The following ACSF3 variants were observed in gnomAD, a reference collection of about 807,000 sequenced individuals.
The protein encoded by ACSF3 is acyl-CoA synthetase family member 3, also known as malonate--CoA ligase ACSF3, mitochondrial.
Under a neutral mutation model 53.2 loss-of-function variants are expected in ACSF3, and 78 were observed. The ratio of observed to expected loss-of-function variants is 1.47; its 90% CI spans 1.22 to 1.77. The LOEUF is 1.77. Ranked by LOEUF, ACSF3 falls within the 40% of genes most tolerant of loss-of-function variation. The pLI, the probability that ACSF3 is intolerant of heterozygous loss-of-function variation, is 0.00. For missense variants in ACSF3, 937 were observed against 771.1 expected (o/e 1.22, Z -2.55); for synonymous variants, 414 against 333.1 (o/e 1.24, Z -2.65).
chr16:89,112,837 G>T (rs1235873981), intron 5 of ACSF3, among the ~76,000 whole-genome samples: 1 of 152,236 alleles, frequency 6.6e-6, no homozygotes, highest in African/African-American at 2.4e-5. Context: ...CACGGCGCCT[G>T]CCTCTCCTAT....
chr16:89,145,495 C>A, intron 9 of ACSF3, 94 bp downstream of exon 9: 1 of 1,467,788 alleles, frequency 6.8e-7, no homozygotes, highest in Non-Finnish European at 9.3e-7. Flanking sequence ...TCGACGCCGT[C>A]CCAGCTGCCT....
chr16:89,130,186 C>T (rs1908989397), intron 7 of ACSF3, among the ~76,000 whole-genome samples: 1 of 152,226 alleles, frequency 6.6e-6, no homozygotes, highest in East Asian at 1.9e-4. Flanking sequence ...TATTTTTCCT[C>T]ATCTAAGAAT....
At chr16:89,100,369 T>C (rs1295526667) in intron 2 of ACSF3, among the ~76,000 whole-genome samples, 1 of 152,274 alleles carries the variant, frequency 6.6e-6, no homozygotes, top group East Asian at 1.9e-4. Flanking sequence ...TGTTGAATTT[T>C]ATATGCTTCT....
chr16:89,098,174 A>G (rs1016091494), intron 1 of ACSF3, among the ~76,000 whole-genome samples: 2 of 152,272 alleles, frequency 1.3e-5, no homozygotes, highest in African/African-American at 4.8e-5. Context: ...AGCACAAAAC[A>G]TACTTTGGCT....
At chr16:89,111,465 A>G (rs1976667890) in intron 4 of ACSF3, among the ~76,000 whole-genome samples, 1 of 152,218 alleles carries the variant, frequency 6.6e-6, no homozygotes, top group African/African-American at 2.4e-5. Context: ...CACAGCACGA[A>G]GAGTGCCCTC....
rs556833173 is a variant in ACSF3, at chr16:89,116,778, C to T, written c.1126+2291C>T. Among the ~76,000 whole-genome samples, 9 of 152,208 alleles carry T rather than the reference C, an allele frequency of 5.9e-5. No homozygotes were observed. In the East Asian group the frequency reaches 1.5e-3, roughly 26 times the overall value. On this transcript the variant is annotated intron_variant, in intron 6 of 10. Transcript: ENST00000614302. ...CAGTGCTGGTGGCCCCTGCCCTGGG[C>T]CGGCTCCCGCGTTAGTCTCAGACCC... is the stretch of plus-strand genomic sequence containing the variant.
Position 89,094,056 on chromosome 16 carries a change from G to A in ACSF3, c.-194+60G>A, listed in dbSNP as rs888511907. 1.4e-3 allele frequency: 204 copies of A among 150,874 alleles called. 2 individuals are homozygous for A. The highest frequency in any genetic ancestry group is 1.8e-3 in the Non-Finnish European group (120 of 68,000). The allele number at this position is 150,874 out of a possible 1,614,324, so 9.3% of individuals were successfully genotyped here. ...GTCGGCCGGGCGCAGAGCTCTCGGGGGCGCGGGCTCCGGCGCCCGCCCCTG... is the reference window on the plus strand; with the variant it reads ...GTCGGCCGGGCGCAGAGCTCTCGGGAGCGCGGGCTCCGGCGCCCGCCCCTG... On this transcript the variant is annotated intron_variant, in intron 1 of 10. Transcript: ENST00000614302.
rs568961213 is a variant in ACSF3 at position 89,117,453 on chromosome 16, A to G, written c.1126+2966A>G. On this transcript the variant is annotated intron_variant, in intron 6 of 10. Coordinates refer to ENST00000614302, the MANE Select transcript of ACSF3 (RefSeq NM_001243279.3). ...GATACAAGGCTGAGAAGCTGAAATCAGGAGCAGCCCAGGGACCACTGTCTA... is the reference window on the plus strand; with the variant it reads ...GATACAAGGCTGAGAAGCTGAAATCGGGAGCAGCCCAGGGACCACTGTCTA... Among the ~76,000 whole-genome samples, 65 of 152,278 alleles carry G rather than the reference A, an allele frequency of 4.3e-4. No individual in the cohort carries two copies. The East Asian group carries it at 0.012, about 29-fold the overall frequency.
Position 89,155,733 on chromosome 16 carries a change from A to G in ACSF3, c.*1526A>G. The G allele has an allele frequency of 2.2e-6, 1 of 454,062 alleles. No individual in the cohort carries two copies. The highest frequency in any genetic ancestry group is 1.6e-5 in the South Asian group (1 of 64,460). The allele number at this position is 454,062 out of a possible 1,614,324, so 28.1% of individuals were successfully genotyped here. A position where few individuals can be genotyped will look rare whatever the true frequency, so the allele number is the denominator to read the frequency against. ...TTCTGTTGGGAAAAGGTCAAATTTAACATAGCAAAATTTTTACTTAATTCC... is the reference window on the plus strand; with the variant it reads ...TTCTGTTGGGAAAAGGTCAAATTTAGCATAGCAAAATTTTTACTTAATTCC... On this transcript the variant is annotated 3_prime_UTR_variant, in exon 11 of 11. Transcript: ENST00000614302.
chr16:89,136,548 A>G (rs1405979124), intron 8 of ACSF3: 9 of 1,272,686 alleles, frequency 7.1e-6, no homozygotes, highest in Non-Finnish European at 9.2e-6. Context: ...TTCCCTGGCC[A>G]GCCCCTCCTG....
At chr16:89,132,346 C>T (rs969553303) in intron 7 of ACSF3, among the ~76,000 whole-genome samples, 4 of 152,196 alleles carry the variant, frequency 2.6e-5, no homozygotes, top group Non-Finnish European at 4.4e-5. Flanking sequence ...CTCTGCCCTC[C>T]CCAGACCCTC....
chr16:89,099,087 G>C (rs767403924), intron 2 of ACSF3, among the ~76,000 whole-genome samples: 8 of 152,372 alleles, frequency 5.3e-5, no homozygotes, highest in Admixed American at 2.6e-4. Context: ...GTCGAGCAAA[G>C]CTTTGATTAT....
chr16:89,110,325 A>T (rs921932430), intron 4 of ACSF3, among the ~76,000 whole-genome samples: 1 of 152,162 alleles, frequency 6.6e-6, no homozygotes, highest in East Asian at 1.9e-4. Context: ...TTAATTTTGC[A>T]TATGGTGTGA....
At chr16:89,135,994 C>T (rs1910379922) in intron 8 of ACSF3, among the ~76,000 whole-genome samples, 1 of 152,260 alleles carries the variant, frequency 6.6e-6, no homozygotes, top group Non-Finnish European at 1.5e-5. Flanking sequence ...AGGCTGGTCT[C>T]GAGCTCCTGG....
chr16:89,111,216 G>T (rs1336214983), intron 4 of ACSF3, among the ~76,000 whole-genome samples: 1 of 152,216 alleles, frequency 6.6e-6, no homozygotes, highest in African/African-American at 2.4e-5. Flanking sequence ...GTCCTTACAT[G>T]CTTTGTGACT....
chr16:89,133,661 C>T (rs567571552), intron 8 of ACSF3, among the ~76,000 whole-genome samples: 44 of 152,364 alleles, frequency 2.9e-4, no homozygotes, highest in African/African-American at 1.0e-3. Context: ...CCCCTGTACC[C>T]AGAGACCTCA....
chr16:89,094,755 T>G (rs753207864), intron 1 of ACSF3, among the ~76,000 whole-genome samples: 2 of 151,916 alleles, frequency 1.3e-5, no homozygotes, highest in Non-Finnish European at 2.9e-5. Flanking sequence ...ATTAGCTGGG[T>G]GTGGTGGCGT....
Position 89,155,967 on chromosome 16 carries a change from C to T in ACSF3, c.*1760C>T, listed in dbSNP as rs1042016892. 4 of 361,872 alleles carry T rather than the reference C, an allele frequency of 1.1e-5. No individual in the cohort carries two copies. The highest frequency in any genetic ancestry group is 2.1e-5 in the Non-Finnish European group (4 of 186,420). 22.4% of individuals were successfully genotyped at this position (361,872 alleles called of 1,614,324 possible). A position where few individuals can be genotyped will look rare whatever the true frequency, so the allele number is the denominator to read the frequency against. On this transcript the variant is annotated 3_prime_UTR_variant, in exon 11 of 11. Transcript: ENST00000614302. ...TGCAGAGAGCCTGGAGCTCGTTGAC[C>T]ACAAACTACAGAAAGCCTGGAGCTC...
intron 7 of ACSF3, 124 bp from the exon 8 acceptor site, chr16:89,133,012 G>C: frequency 7.0e-7 from 1 of 1,420,718 alleles, no homozygotes; most frequent in East Asian, 2.3e-5. Context: ...AAAGCGCTCA[G>C]TTTCAGAAAG....
Sources: gnomAD v4.1 joint callset for allele counts (sites outside exome capture counted in the v4.1 genomes callset) on GRCh38, gnomAD v4.1.1 for gene constraint, MANE v1.5 for transcripts, NCBI Gene and HGNC (gene_info 2026-07-23, HGNC 2026-07-21) for gene names.